Variants in CACNA1D observed in about 807,000 individuals in gnomAD.
The protein encoded by CACNA1D is voltage-dependent L-type calcium channel subunit alpha-1D.
In CACNA1D, 55 loss-of-function variants were observed where a neutral mutation model predicts 257.1. The observed-to-expected ratio is 0.21, with a 90% confidence interval of 0.17 to 0.27. CACNA1D has a LOEUF of 0.27. Ranked by LOEUF, CACNA1D falls within the 10% of genes least tolerant of loss-of-function variation. The pLI, the probability that CACNA1D is intolerant of heterozygous loss-of-function variation, is 1.00. For missense variants in CACNA1D, 1,876 were observed against 2,784.0 expected, an observed-to-expected ratio of 0.67 and a Z score of 7.34; for synonymous variants, 980 against 1,014.9, an observed-to-expected ratio of 0.97 and a Z score of 0.65.
At chr3:53,624,191 T>C (rs920919175) in intron 3 of CACNA1D, among the ~76,000 whole-genome samples, 6 of 152,202 alleles carry the variant, frequency 3.9e-5, no homozygotes, top group Non-Finnish European at 7.3e-5. Flanking sequence ...TAAACCACTG[T>C]AGAGAATCAC....
chr3:53,745,901 G>A, intron 25 of CACNA1D, 26 bp downstream of exon 25: 1 of 1,580,772 alleles, frequency 6.3e-7, no homozygotes, highest in Non-Finnish European at 8.7e-7. Context: ...GTGGAGTAGG[G>A]GACTTAGAAG....
chr3:53,672,154 G>T (rs565684805), intron 7 of CACNA1D, among the ~76,000 whole-genome samples: 1 of 152,308 alleles, frequency 6.6e-6, no homozygotes, highest in Admixed American at 6.5e-5. Flanking sequence ...GAGCTTGTCC[G>T]GGAATAGGGG....
chr3:53,697,534 G>C (rs1053937427), intron 8 of CACNA1D, among the ~76,000 whole-genome samples: 1 of 152,094 alleles, frequency 6.6e-6, no homozygotes, highest in Non-Finnish European at 1.5e-5. Context: ...TAGTAGTGGA[G>C]TTATATCTTC....
intron 4 of CACNA1D, 113 bp from the exon 5 acceptor site, chr3:53,660,020 T>A (rs2094187974): frequency 1.1e-6 from 1 of 935,526 alleles, no homozygotes; most frequent in Non-Finnish European, 1.7e-6. Context: ...TCCTTTTATT[T>A]AAGCAGCAGC....
Position 53,551,475 on chromosome 3 carries a change from C to T in CACNA1D, c.483+49755C>T, listed in dbSNP as rs547537492. Among the ~76,000 whole-genome samples the T allele has an allele frequency of 1.9e-3, 289 of 152,322 alleles. 2 individuals carry two copies. The highest frequency in any genetic ancestry group is 6.5e-3 in the African/African-American group (269 of 41,568). On this transcript the variant is annotated intron_variant, in intron 3 of 47. Coordinates refer to ENST00000350061, the MANE Select transcript of CACNA1D (RefSeq NM_001128840.3). ...GCCTGGGTTGCTGCCGGGTATGACC[C>T]GACCTTCGTCTTGTACCCACTGTCT...
chr3:53,500,623 A>G (rs1362471788), intron 2 of CACNA1D, among the ~76,000 whole-genome samples: 1 of 152,238 alleles, frequency 6.6e-6, no homozygotes, highest in Non-Finnish European at 1.5e-5. Flanking sequence ...TAGGCGAAGC[A>G]CTGTGGTAAA....
chr3:53,729,713 A>G (rs1365475710), intron 15 of CACNA1D, among the ~76,000 whole-genome samples: 1 of 152,218 alleles, frequency 6.6e-6, no homozygotes, highest in African/African-American at 2.4e-5. Flanking sequence ...GTGTTTTTTA[A>G]CTGGAACTGC....
chr3:53,659,624 C>A (rs902692432), intron 4 of CACNA1D, among the ~76,000 whole-genome samples: 61 of 152,324 alleles, frequency 4.0e-4, no homozygotes, highest in African/African-American at 1.4e-3. Flanking sequence ...GGTCCACATG[C>A]CTGTGTTTAC....
Position 53,751,764 on chromosome 3 carries a change from T to G in CACNA1D, c.3532T>G (p.Tyr1178Asp). The stretch of plus-strand genomic sequence containing the variant: ...GCTGTTGCAGCGTCAGTGTGTTGAA[T>G]ACGCCTTGAAAGCACGTCCCTTGCG... ...LDKNQRQCVE[Y>D]ALKARPLRRY... The change falls in exon 28 of 48, where the codon TAC (tyrosine) becomes GAC (aspartate). Residue 1178 changes from tyrosine to aspartate, a missense_variant. Physicochemically the swap from Tyr to Asp is radical, Grantham distance 160. Coordinates refer to ENST00000350061, the MANE Select transcript of CACNA1D (RefSeq NM_001128840.3). The surrounding 1 kb of genome is among the most constrained non-coding windows in gnomAD (Gnocchi z 4.3). 1 of 1,614,224 alleles carries G rather than the reference T, an allele frequency of 6.2e-7. No individual in the cohort carries two copies. Among genetic ancestry groups the G allele is most frequent in the Non-Finnish European group, 8.5e-7 (1 of 1,180,042 alleles).
intron 8 of CACNA1D, among the ~76,000 whole-genome samples, chr3:53,674,521 T>C (rs946359240): frequency 6.6e-6 from 1 of 152,208 alleles, no homozygotes; most frequent in African/African-American, 2.4e-5. Context: ...GTTTATCACT[T>C]CCTCTCTATG....
In CACNA1D at chr3:53,719,026, G is replaced by A. The variant is rs186966793; in HGVS notation, c.1478+638G>A. 1.9e-3 allele frequency among the ~76,000 whole-genome samples: 293 copies of A among 152,072 alleles called. 1 individual carries two copies. The highest frequency in any genetic ancestry group is 6.4e-3 in the African/African-American group (267 of 41,424). On this transcript the variant is annotated intron_variant, in intron 10 of 47. Transcript: ENST00000350061. ...GATGATTTGGGCTGTGGCAGCTGGC[G>A]GGGGGGCTGGGGGGGACCAGCAGTG...
At chr3:53,502,274 T>C (rs1316324033) in intron 3 of CACNA1D, among the ~76,000 whole-genome samples, 1 of 152,160 alleles carries the variant, frequency 6.6e-6, no homozygotes, top group Admixed American at 6.5e-5. Flanking sequence ...CCACGTCCTA[T>C]GAAATGCTCC....
At chr3:53,679,515 A>G in intron 8 of CACNA1D, 1 of 152,158 alleles carries the variant, frequency 6.6e-6, no homozygotes, top group Non-Finnish European at 1.5e-5. Context: ...CTGTACTGCA[A>G]TAGTGAGTTA....
Position 53,774,555 on chromosome 3 carries a change from A to G in CACNA1D, c.4111-32A>G, listed in dbSNP as rs371754649. The G allele has an allele frequency of 2.0e-4, 262 of 1,306,420 alleles. No homozygotes were observed. The highest frequency in any genetic ancestry group is 2.8e-4 in the Non-Finnish European group (252 of 899,034). 80.9% of individuals were successfully genotyped at this position (1,306,420 alleles called of 1,614,324 possible). The stretch of plus-strand genomic sequence containing the variant: ...GGATTTTTTTTGCATGACGAAATCT[A>G]TTCTCTTTTTCCTGACAACTTCTCC... On this transcript the variant is annotated intron_variant, in intron 33 of 47. Transcript: ENST00000350061. This position sits in a 1 kb window ranked among gnomAD's most constrained non-coding sequence, Gnocchi z 4.3.
At chr3:53,496,527 C>T (rs1278657566) in intron 1 of CACNA1D, among the ~76,000 whole-genome samples, 1 of 152,142 alleles carries the variant, frequency 6.6e-6, no homozygotes, top group African/African-American at 2.4e-5. Flanking sequence ...AAATGAGTCC[C>T]AAGCATCATG....
At chr3:53,706,464 G>A (rs942235252) in intron 9 of CACNA1D, among the ~76,000 whole-genome samples, 2 of 152,162 alleles carry the variant, frequency 1.3e-5, no homozygotes, top group Non-Finnish European at 1.5e-5. Flanking sequence ...AACCTCTCTG[G>A]ACCCCACTTT....
chr3:53,754,718 ACT>A (rs965930489), intron 29 of CACNA1D, among the ~76,000 whole-genome samples: 32 of 151,970 alleles, frequency 2.1e-4, no homozygotes, highest in African/African-American at 7.5e-4. Context: ...ACAGCCAAAA[ACT>A]CTCAGAGTTA....
chr3:53,536,533 ATCC>A (rs2092118880), intron 3 of CACNA1D, among the ~76,000 whole-genome samples: 2 of 152,236 alleles, frequency 1.3e-5, no homozygotes, highest in Admixed American at 6.5e-5. Context: ...AAACTAGGGG[ATCC>A]AAGTGGCATG....
chr3:53,664,345 G>C (rs1340835504), intron 5 of CACNA1D, among the ~76,000 whole-genome samples: 1 of 151,996 alleles, frequency 6.6e-6, no homozygotes. Context: ...CTGAGTTCTG[G>C]TCTCATCCTG....
Sources: allele counts gnomAD v4.1 joint callset (sites outside exome capture counted in the v4.1 genomes callset), GRCh38; gene constraint gnomAD v4.1.1; non-coding constraint Gnocchi (gnomAD v3.1); transcripts MANE v1.5; gene names NCBI Gene and HGNC (gene_info 2026-07-23, HGNC 2026-07-21).